Variants in SOX5 observed in about 807,000 individuals in gnomAD.
SOX5 encodes transcription factor SOX-5.
A neutral mutation model predicts 92.0 loss-of-function variants in SOX5; 9 were observed. The observed-to-expected ratio is 0.10, with a 90% CI of 0.06 to 0.17. SOX5 has a LOEUF of 0.17. Among genes scored for constraint, SOX5 ranks in the 10% least tolerant of loss-of-function variants. SOX5 has a pLI of 1.00. For missense variants in SOX5, 642 were observed against 944.5 expected (o/e 0.68, Z 4.20); for synonymous variants, 344 against 336.3 (o/e 1.02, Z -0.25).
chr12:23,665,694 G>T, intron 6 of SOX5, 130 bp from the exon 7 acceptor site: 1 of 1,039,682 alleles, frequency 9.6e-7, no homozygotes, highest in Non-Finnish European at 1.4e-6. Flanking sequence ...AGCTTGCTGG[G>T]ATACTGGGCT....
At chr12:23,900,858 G>C (rs1217370497) in intron 1 of SOX5, among the ~76,000 whole-genome samples, 1 of 152,108 alleles carries the variant, frequency 6.6e-6, no homozygotes, top group African/African-American at 2.4e-5. Context: ...TACTTGGGAG[G>C]CTGAGGCAGG....
intron 1 of SOX5, among the ~76,000 whole-genome samples, chr12:24,371,016 T>C (rs73289743): frequency 0.017 from 2,571 of 152,298 alleles, 64 homozygotes; most frequent in African/African-American, 0.058. Flanking sequence ...ATATAATGGA[T>C]TTTATTCCAT....
chr12:23,591,559 A>G (rs1951558937), intron 9 of SOX5, among the ~76,000 whole-genome samples: 1 of 152,190 alleles, frequency 6.6e-6, no homozygotes, highest in Non-Finnish European at 1.5e-5. Flanking sequence ...CAAATTACCT[A>G]GAGGTTCTCT....
At chr12:24,499,745 A>G (rs1377460962) in intron 1 of SOX5, among the ~76,000 whole-genome samples, 1 of 145,380 alleles carries the variant, frequency 6.9e-6, no homozygotes. Flanking sequence ...TAAAACACTA[A>G]AAATCTGCCT....
intron 1 of SOX5, among the ~76,000 whole-genome samples, chr12:23,928,963 A>G (rs1267932215): frequency 6.6e-6 from 1 of 151,908 alleles, no homozygotes; most frequent in African/African-American, 2.4e-5. Context: ...AAGTAAATAT[A>G]ATTACTAAAA....
Position 24,416,725 on chromosome 12 carries a change from AAC to A in SOX5, c.-250-48088_-250-48087del, listed in dbSNP as rs564562226. 1.5e-3 allele frequency among the ~76,000 whole-genome samples: 232 copies of A among 152,356 alleles called. 1 individual carries two copies. The highest frequency in any genetic ancestry group is 5.0e-3 in the African/African-American group (206 of 41,588). On this transcript the variant is annotated intron_variant, in intron 1 of 4. Transcript: ENST00000446891. ...TTTGTACTTTGAGCGATGATAGTCAAACACAGTTTGAATAACAATATTACAAT... is the reference window on the plus strand; with the variant it reads ...TTTGTACTTTGAGCGATGATAGTCAAACAGTTTGAATAACAATATTACAAT...
chr12:24,203,574 A>G (rs1046538907), intron 4 of SOX5, among the ~76,000 whole-genome samples: 7 of 152,226 alleles, frequency 4.6e-5, no homozygotes, highest in Admixed American at 4.6e-4. Flanking sequence ...AAAATCTAAT[A>G]ACCAGGCTTC....
chr12:24,004,546 C>G (rs764465343), intron 4 of SOX5, among the ~76,000 whole-genome samples: 12 of 151,906 alleles, frequency 7.9e-5, no homozygotes, highest in Non-Finnish European at 1.8e-4. Context: ...TAGGGAAATG[C>G]AAATTAAAAC....
chr12:24,063,160 C>T (rs1385870767), intron 4 of SOX5, among the ~76,000 whole-genome samples: 1 of 152,156 alleles, frequency 6.6e-6, no homozygotes, highest in Non-Finnish European at 1.5e-5. Context: ...CCAATATTTC[C>T]ACTGGTAACT....
chr12:23,583,343 C>T (rs1950291446), intron 9 of SOX5, among the ~76,000 whole-genome samples: 2 of 152,026 alleles, frequency 1.3e-5, no homozygotes, highest in Admixed American at 6.6e-5. Context: ...TATTGGAAGA[C>T]CTTTAACCCA....
chr12:23,946,153 T>C (rs543309559), intron 1 of SOX5, among the ~76,000 whole-genome samples: 1 of 152,256 alleles, frequency 6.6e-6, no homozygotes, highest in East Asian at 1.9e-4. Context: ...TTTACTATTG[T>C]AGTGTTCCTT....
intron 3 of SOX5, among the ~76,000 whole-genome samples, chr12:23,796,273 A>C (rs2095559988): frequency 6.6e-6 from 1 of 152,122 alleles, no homozygotes; most frequent in Non-Finnish European, 1.5e-5. Context: ...GCCCTGCAGA[A>C]TCCAATAAGA....
chr12:23,646,663 T>A (rs1317306464), intron 7 of SOX5, among the ~76,000 whole-genome samples: 1 of 152,242 alleles, frequency 6.6e-6, no homozygotes, highest in Non-Finnish European at 1.5e-5. Flanking sequence ...TCCTTTGTTG[T>A]CATTTCAATA....
At chr12:24,156,960 G>C (rs1029982471) in intron 4 of SOX5, among the ~76,000 whole-genome samples, 1 of 152,042 alleles carries the variant, frequency 6.6e-6, no homozygotes. Flanking sequence ...CCAAGTTATA[G>C]GACATATTCT....
intron 1 of SOX5, among the ~76,000 whole-genome samples, chr12:24,398,556 T>C (rs1270646931): frequency 2.0e-5 from 3 of 152,042 alleles, no homozygotes; most frequent in African/African-American, 7.2e-5. Context: ...AACATGCAAC[T>C]ACACACACAC....
chr12:23,619,131 G>A (rs1313670933), intron 8 of SOX5, among the ~76,000 whole-genome samples: 2 of 152,070 alleles, frequency 1.3e-5, no homozygotes, highest in Admixed American at 6.6e-5. Context: ...TACGGATTCC[G>A]CTCTTACTTT....
At chr12:23,550,727 A>G (rs1348805561) in intron 11 of SOX5, among the ~76,000 whole-genome samples, 7 of 151,916 alleles carry the variant, frequency 4.6e-5, no homozygotes, top group Non-Finnish European at 2.9e-5. Context: ...CCAGACTGTA[A>G]GTCTAGTACA....
rs1943811585 is a variant in SOX5, at chr12:23,549,657, T to G, written c.1489-3233A>C. On this transcript the variant is annotated intron_variant, in intron 11 of 14. Transcript: ENST00000451604. ...ATTAATTACAACAAAGTAGTCAACA[T>G]GTAAAAGTCCTGGGGTATGGGCCAA... is the stretch of plus-strand genomic sequence containing the variant. Among the ~76,000 whole-genome samples, 3 of 151,942 alleles carry G rather than the reference T, an allele frequency of 2.0e-5. No homozygotes were observed. In the South Asian group the frequency reaches 6.2e-4, roughly 31 times the overall value.
intron 3 of SOX5, among the ~76,000 whole-genome samples, chr12:23,792,662 A>C (rs993124764): frequency 3.2e-5 from 4 of 123,880 alleles, no homozygotes; most frequent in African/African-American, 8.9e-5. Flanking sequence ...AAAAAAAAAA[A>C]CTTGGACAAA....
Sources: gnomAD v4.1 joint callset for allele counts (sites outside exome capture counted in the v4.1 genomes callset) on GRCh38, gnomAD v4.1.1 for gene constraint, MANE v1.5 for transcripts, NCBI Gene and HGNC (gene_info 2026-07-23, HGNC 2026-07-21) for gene names.